Variants in TBC1D22A observed in about 807,000 individuals in gnomAD.
TBC1D22A encodes putative GTPase activator.
In TBC1D22A, 38 loss-of-function variants were observed where a neutral mutation model predicts 60.2. The ratio of observed to expected loss-of-function variants is 0.63; its 90% CI spans 0.49 to 0.83. The LOEUF is 0.83. Ranked by LOEUF, TBC1D22A falls within the 40% of genes least tolerant of loss-of-function variation. The pLI is 0.00. For missense variants in TBC1D22A, 628 were observed against 701.0 expected (o/e 0.90, Z 1.18); for synonymous variants, 302 against 281.7 (o/e 1.07, Z -0.72).
intron 8 of TBC1D22A, among the ~76,000 whole-genome samples, chr22:46,967,806 C>G (rs1391756838): frequency 6.6e-6 from 1 of 151,624 alleles, no homozygotes; most frequent in Non-Finnish European, 1.5e-5. Context: ...CATTGCACCC[C>G]CTGGTAATTA....
At position 46,893,732 on chromosome 22, in the gene TBC1D22A, G is replaced by A. The variant is rs12170113; in HGVS notation, c.838-1052G>A. 9.4e-3 allele frequency among the ~76,000 whole-genome samples: 1,430 copies of A among 152,334 alleles called. 20 individuals carry two copies. Among genetic ancestry groups the A allele is most frequent in the African/African-American group, 0.033 (1,354 of 41,578 alleles). On this transcript the variant is annotated intron_variant, in intron 6 of 12. Transcript: ENST00000337137. ...GGGCCAGCTTCAGTCCTTTGGCCCT[G>A]CCTGTCTGGATAGAGTAGTGCTGCT... is the stretch of plus-strand genomic sequence containing the variant.
At chr22:46,856,908 G>A (rs537083621) in intron 4 of TBC1D22A, among the ~76,000 whole-genome samples, 4 of 152,324 alleles carry the variant, frequency 2.6e-5, no homozygotes, top group African/African-American at 7.2e-5. Flanking sequence ...GAAATTACTG[G>A]CTCAGAGGGT....
At chr22:47,069,277 A>G (rs547685118) in intron 11 of TBC1D22A, among the ~76,000 whole-genome samples, 3 of 152,386 alleles carry the variant, frequency 2.0e-5, no homozygotes, top group African/African-American at 7.2e-5. Flanking sequence ...AGGTTCACAT[A>G]TATTTTTGTT....
intron 1 of TBC1D22A, chr22:46,773,796 C>T (rs1052575493): frequency 7.7e-6 from 3 of 391,774 alleles, no homozygotes; most frequent in African/African-American, 2.2e-5. Context: ...CATGCAACCA[C>T]ACGTGTAGTC....
intron 11 of TBC1D22A, among the ~76,000 whole-genome samples, chr22:47,100,905 G>T (rs1415927841): frequency 6.6e-6 from 1 of 152,200 alleles, no homozygotes; most frequent in Non-Finnish European, 1.5e-5. Context: ...GGATCGCTTG[G>T]TCTCTGGTTA....
chr22:47,133,711 A>G (rs570698164), intron 12 of TBC1D22A, among the ~76,000 whole-genome samples: 85 of 152,286 alleles, frequency 5.6e-4, no homozygotes, highest in African/African-American at 1.9e-3. Context: ...GTCAGGAAAC[A>G]GGAGGGCCAT....
At chr22:46,770,485 T>G (rs912882625) in intron 1 of TBC1D22A, among the ~76,000 whole-genome samples, 1 of 152,220 alleles carries the variant, frequency 6.6e-6, no homozygotes, top group African/African-American at 2.4e-5. Context: ...TGTGAAGAGT[T>G]GGGGACTGTG....
chr22:47,014,400 C>T (rs1041252669), intron 10 of TBC1D22A, among the ~76,000 whole-genome samples: 1 of 152,162 alleles, frequency 6.6e-6, no homozygotes, highest in Non-Finnish European at 1.5e-5. Flanking sequence ...GTCTGCGCTG[C>T]CCCAGACTAG....
intron 4 of TBC1D22A, among the ~76,000 whole-genome samples, chr22:46,869,244 G>A (rs746420304): frequency 4.6e-5 from 7 of 152,302 alleles, no homozygotes; most frequent in South Asian, 4.1e-4. Flanking sequence ...AGCAGCTCAC[G>A]GAGAATCTTT....
intron 4 of TBC1D22A, among the ~76,000 whole-genome samples, chr22:46,814,989 A>C (rs577228709): frequency 8.5e-5 from 13 of 152,244 alleles, no homozygotes; most frequent in Admixed American, 2.0e-4. Context: ...TTTTCCCATG[A>C]CACTAACTTT....
At chr22:47,078,075 C>T (rs1357319045) in intron 11 of TBC1D22A, among the ~76,000 whole-genome samples, 1 of 152,208 alleles carries the variant, frequency 6.6e-6, no homozygotes, top group Non-Finnish European at 1.5e-5. Flanking sequence ...CAGCAGTGTT[C>T]TGGATCTCCA....
At chr22:46,963,863 G>A (rs999287727) in intron 8 of TBC1D22A, among the ~76,000 whole-genome samples, 16 of 152,260 alleles carry the variant, frequency 1.1e-4, no homozygotes, top group Non-Finnish European at 1.9e-4. Flanking sequence ...CAGGAGCAGG[G>A]CATGGGCCCA....
At chr22:46,851,252 G>T (rs867955903) in intron 4 of TBC1D22A, among the ~76,000 whole-genome samples, 2 of 152,240 alleles carry the variant, frequency 1.3e-5, no homozygotes, top group Non-Finnish European at 2.9e-5. Flanking sequence ...TGTTGGAGAG[G>T]TGAGGAATAG....
At chr22:46,792,882 C>T in intron 2 of TBC1D22A, 1 of 1,427,768 alleles carries the variant, frequency 7.0e-7, no homozygotes, top group Non-Finnish European at 9.2e-7. Context: ...TCCATGCTGG[C>T]TTGTCCTTTC....
intron 12 of TBC1D22A, among the ~76,000 whole-genome samples, chr22:47,132,395 C>T (rs187580196): frequency 2.6e-5 from 4 of 152,228 alleles, no homozygotes; most frequent in African/African-American, 9.6e-5. Context: ...CTAGAATGTG[C>T]GCTTGATCCC....
chr22:46,816,553 G>C (rs1391505987), intron 4 of TBC1D22A, among the ~76,000 whole-genome samples: 1 of 152,240 alleles, frequency 6.6e-6, no homozygotes, highest in African/African-American at 2.4e-5. Context: ...AACAGCAGTA[G>C]ATTTTATTGG....
intron 11 of TBC1D22A, among the ~76,000 whole-genome samples, chr22:47,105,766 C>T (rs1428845250): frequency 6.6e-6 from 1 of 150,486 alleles, no homozygotes; most frequent in Non-Finnish European, 1.5e-5. Flanking sequence ...CCCCCCCACT[C>T]CCCAAAGAAA....
At chr22:46,767,921 A>C (rs1490684811) in intron 1 of TBC1D22A, 1 of 152,698 alleles carries the variant, frequency 6.5e-6, no homozygotes, top group African/African-American at 2.4e-5. Flanking sequence ...CCTCATGACC[A>C]CAGTGAAGAC....
At position 47,174,967 on chromosome 22, in the gene TBC1D22A, C is replaced by T. The variant is rs2068632871; in HGVS notation, c.*1341C>T. 6.6e-6 allele frequency: 1 copy of T among 152,280 alleles called. No homozygotes were observed. The highest frequency in any genetic ancestry group is 6.5e-5 in the Admixed American group (1 of 15,290). 9.4% of individuals were successfully genotyped at this position (152,280 alleles called of 1,614,324 possible). On this transcript the variant is annotated 3_prime_UTR_variant, in exon 13 of 13. Coordinates refer to ENST00000337137, the MANE Select transcript of TBC1D22A (RefSeq NM_014346.5). ...GGGCAGGGCCACAGCCACAGTCTGT[C>T]TGATCCCTGAGCCCAGGACAGGCTC... is the stretch of plus-strand genomic sequence containing the variant.
Sources: gnomAD v4.1 joint callset for allele counts (sites outside exome capture counted in the v4.1 genomes callset) on GRCh38, gnomAD v4.1.1 for gene constraint, MANE v1.5 for transcripts, NCBI Gene and HGNC (gene_info 2026-07-23, HGNC 2026-07-21) for gene names.